Variants in LOC128462377 observed in about 807,000 individuals in gnomAD.
chr16:89,378,291 T>G, the LOC128462377 span, among the ~76,000 whole-genome samples: 39 of 152,332 alleles, frequency 2.6e-4, no homozygotes, highest in African/African-American at 8.9e-4. Flanking sequence ...AATTAAATAC[T>G]CGGGGTATAA....
the LOC128462377 span, among the ~76,000 whole-genome samples, chr16:89,328,588 T>C: frequency 5.8e-3 from 602 of 103,656 alleles, 3 homozygotes; most frequent in Middle Eastern, 0.036. Context: ...CACCCAGGCG[T>C]ACGGGTGAAT....
chr16:89,342,422 C>T, the LOC128462377 span, among the ~76,000 whole-genome samples: 1 of 152,322 alleles, frequency 6.6e-6, no homozygotes, highest in African/African-American at 2.4e-5. Flanking sequence ...CAGGATAAAC[C>T]AGCAATACTC....
the LOC128462377 span, among the ~76,000 whole-genome samples, chr16:89,411,028 A>C: frequency 6.6e-6 from 1 of 152,198 alleles, no homozygotes; most frequent in African/African-American, 2.4e-5. Context: ...TGGCCAGGGC[A>C]GGAGGCAGGA....
chr16:89,415,828 T>TAAAAAAAAAAAAAAAAAA, the LOC128462377 span, among the ~76,000 whole-genome samples: 1 of 21,728 alleles, frequency 4.6e-5, no homozygotes. Flanking sequence ...AGACTCTGTC[T>TAAAAAAAAAAAAAAAAAA]CAAAAAAAAA....
chr16:89,366,292 G>C, the LOC128462377 span, among the ~76,000 whole-genome samples: 1 of 152,028 alleles, frequency 6.6e-6, no homozygotes, highest in African/African-American at 2.4e-5. Flanking sequence ...ATGGACATTC[G>C]CCCGCATGTG....
the LOC128462377 span, among the ~76,000 whole-genome samples, chr16:89,365,887 G>C: frequency 2.0e-5 from 3 of 151,708 alleles, no homozygotes; most frequent in Non-Finnish European, 4.4e-5. Context: ...GCAGACCCCA[G>C]TGTCTGCTGG....
At chr16:89,407,684 C>CAT in the LOC128462377 span, among the ~76,000 whole-genome samples, 3 of 150,984 alleles carry the variant, frequency 2.0e-5, no homozygotes, top group African/African-American at 7.3e-5. Context: ...CACACACACA[C>CAT]ATAGACACAC....
chr16:89,337,161 G>A, the LOC128462377 span, among the ~76,000 whole-genome samples: 5 of 152,064 alleles, frequency 3.3e-5, no homozygotes, highest in African/African-American at 1.2e-4. Flanking sequence ...ACTCCACCCT[G>A]GGCAACAGAG....
the LOC128462377 span, among the ~76,000 whole-genome samples, chr16:89,330,524 C>T: frequency 1.1e-3 from 163 of 151,302 alleles, 1 homozygote; most frequent in Non-Finnish European, 4.3e-4. Context: ...GACGTGGCAG[C>T]GGGTTTCCAC....
the LOC128462377 span, among the ~76,000 whole-genome samples, chr16:89,368,371 GTTTTTTTTTT>G: frequency 9.7e-4 from 55 of 56,594 alleles, no homozygotes; most frequent in African/African-American, 2.3e-3. Flanking sequence ...TAATTTTTGT[GTTTTTTTTTT>G]TTTTTTTTTT....
At chr16:89,335,842 C>T in the LOC128462377 span, among the ~76,000 whole-genome samples, 1 of 152,228 alleles carries the variant, frequency 6.6e-6, no homozygotes, top group African/African-American at 2.4e-5. Flanking sequence ...GTTTCCCCTA[C>T]AGCTGGTGCT....
the LOC128462377 span, among the ~76,000 whole-genome samples, chr16:89,411,198 T>A: frequency 6.6e-6 from 1 of 152,358 alleles, no homozygotes; most frequent in African/African-American, 2.4e-5. Context: ...GACGGTGCCC[T>A]CCACCACATC....
chr16:89,400,059 G>C, the LOC128462377 span, among the ~76,000 whole-genome samples: 1 of 81,956 alleles, frequency 1.2e-5, no homozygotes, highest in Non-Finnish European at 2.5e-5. Context: ...AGGCTTCCCT[G>C]CGCTGGGGGC....
chr16:89,327,057 T>TG, the LOC128462377 span, among the ~76,000 whole-genome samples: 1 of 148,906 alleles, frequency 6.7e-6, no homozygotes, highest in Non-Finnish European at 1.5e-5. Context: ...AGGTGGGAAA[T>TG]GCAGAGGTGG....
chr16:89,398,015 A>G, the LOC128462377 span, among the ~76,000 whole-genome samples: 2 of 152,114 alleles, frequency 1.3e-5, no homozygotes, highest in African/African-American at 4.8e-5. Flanking sequence ...CACCAGTGAC[A>G]ATGTAGCACT....
At chr16:89,408,996 C>T in the LOC128462377 span, among the ~76,000 whole-genome samples, 1 of 152,124 alleles carries the variant, frequency 6.6e-6, no homozygotes, top group South Asian at 2.1e-4. Flanking sequence ...CGGCCCCAAC[C>T]CTGCCTCTGG....
At chr16:89,318,381 G>A in the LOC128462377 span, among the ~76,000 whole-genome samples, 2,174 of 152,280 alleles carry the variant, frequency 0.014, 61 homozygotes, top group African/African-American at 0.049. Flanking sequence ...TGTCCTCGCC[G>A]CACCGTCAGT....
the LOC128462377 span, chr16:89,324,516 G>A: frequency 2.2e-6 from 1 of 456,222 alleles, no homozygotes; most frequent in Non-Finnish European, 4.4e-6. Flanking sequence ...TGAGGAAGCT[G>A]CCAAAGGAGA....
At chr16:89,342,061 G>A in the LOC128462377 span, among the ~76,000 whole-genome samples, 1 of 89,770 alleles carries the variant, frequency 1.1e-5, no homozygotes, top group Non-Finnish European at 2.5e-5. Context: ...CACGGCGGGA[G>A]TGCTGCACCT....
Sources: allele counts gnomAD v4.1 joint callset (sites outside exome capture counted in the v4.1 genomes callset), GRCh38; gene constraint gnomAD v4.1.1; transcripts MANE v1.5.